PIGG: variants seen among roughly 807,000 people sequenced by gnomAD.
PIGG encodes the protein GPI ethanolamine phosphate transferase 2, catalytic subunit.
In PIGG, 70 loss-of-function variants were observed where a neutral mutation model predicts 83.2. The ratio of observed to expected loss-of-function variants is 0.84; its 90% confidence interval spans 0.69 to 1.03. The LOEUF (loss-of-function observed/expected upper bound fraction) is 1.03, where lower values mean the gene tolerates loss of function less well. Among genes scored for constraint, PIGG ranks in the 50% least tolerant of loss-of-function variants. The probability of loss-of-function intolerance (pLI) is 0.00; values close to 1 mark genes in which losing one functional copy is unlikely to be tolerated. For missense variants in PIGG, 1,257 were observed against 1,233.6 expected, an observed-to-expected ratio of 1.02 and a Z score of -0.28; for synonymous variants, 532 against 519.5, an observed-to-expected ratio of 1.02 and a Z score of -0.33.
At chr4:517,819 C>T (rs1724444653) in intron 6 of PIGG, among the ~76,000 whole-genome samples, 3 of 152,076 alleles carry the variant, frequency 2.0e-5, no homozygotes, top group Non-Finnish European at 4.4e-5. Context: ...CGTTTGTCTC[C>T]CTGGGATGTC....
chr4:500,670 G>T, intron 2 of PIGG, 69 bp downstream of exon 2: 1 of 998,936 alleles, frequency 1.0e-6, no homozygotes. Context: ...GGTCTCTGTA[G>T]TCTTTCGCTT....
In PIGG at chr4:516,027, C is replaced by T. The variant is rs779032464; in HGVS notation, c.956C>T (p.Ala319Val). 46 of 1,614,086 alleles carry T rather than the reference C, an allele frequency of 2.8e-5. No homozygotes were observed. The highest frequency in any genetic ancestry group is 5.5e-5 in the South Asian group (5 of 91,090). ...VQQTDVAATL[A>V]IALGLPIPKD... ...CAGACGGATGTGGCTGCGACACTGG[C>T]GATAGCACTTGGCTTACCGATTCCA... Residue 319 changes from alanine to valine, a missense_variant, in exon 6 of 13, where the codon GCG becomes GTG. By Grantham distance (64) the Ala-to-Val change is moderately conservative. Transcript: ENST00000453061.
chr4:508,142 G>A (rs1720501655), intron 4 of PIGG, among the ~76,000 whole-genome samples: 1 of 152,246 alleles, frequency 6.6e-6, no homozygotes, highest in Non-Finnish European at 1.5e-5. Context: ...AGATGAGAAA[G>A]ATGAGTAAAT....
chr4:531,444 G>C (rs1729043818), intron 11 of PIGG: 1 of 153,344 alleles, frequency 6.5e-6, no homozygotes, highest in Non-Finnish European at 1.5e-5. Flanking sequence ...GTTGCATTTT[G>C]GTCTCTACCG....
chr4:528,869 T>TC lies in PIGG; in HGVS notation c.2262-1565dup, dbSNP rs1038808741. The TC allele has an allele frequency of 1.3e-5, 4 of 299,196 alleles. No homozygotes were observed. Among genetic ancestry groups the TC allele is most frequent in the African/African-American group, 9.1e-5 (4 of 44,172 alleles). The allele number at this position is 299,196 out of a possible 1,614,324, so 18.5% of individuals were successfully genotyped here. A position where few individuals can be genotyped will look rare whatever the true frequency, so the allele number is the denominator to read the frequency against. ...ACACGCACTGCCTGGTTCACCTTCT[T>TC]CCTGTAAAGTGCCTCCGTCCTTTGT... On this transcript the variant is annotated intron_variant, in intron 10 of 12. Transcript: ENST00000453061. This position sits in a 1 kb window ranked among gnomAD's most constrained non-coding sequence, Gnocchi z 4.8.
intron 9 of PIGG, 43 bp from the exon 10 acceptor site, chr4:526,996 G>A (rs371244637): frequency 2.7e-5 from 43 of 1,611,670 alleles, no homozygotes; most frequent in African/African-American, 5.3e-5. Context: ...TGATCTTGTC[G>A]CTGTTTGTTT....
At position 538,167 on chromosome 4, in the gene PIGG, G is replaced by C. The variant is rs183341832; in HGVS notation, c.2736-986G>C. 7.1e-4 allele frequency among the ~76,000 whole-genome samples: 108 copies of C among 151,676 alleles called. 1 individual carries two copies. The Middle Eastern group carries it at 0.017, about 24-fold the overall frequency. ...CGACAGGACTGAGGATCTGGGGGCT[G>C]CCTCCGGGCCCTTTCTAACAGAACT... is the stretch of plus-strand genomic sequence containing the variant. On this transcript the variant is annotated intron_variant, in intron 12 of 12. Transcript: ENST00000453061.
intron 5 of PIGG, among the ~76,000 whole-genome samples, chr4:512,601 G>A (rs1722451886): frequency 6.6e-6 from 1 of 151,946 alleles, no homozygotes; most frequent in African/African-American, 2.4e-5. Context: ...TGGATCACAA[G>A]GGCAGAAGTT....
At chr4:532,583 C>T (rs1729327505) in intron 11 of PIGG, 1 of 152,356 alleles carries the variant, frequency 6.6e-6, no homozygotes, top group African/African-American at 2.4e-5. Flanking sequence ...GGGCCTAAGA[C>T]AACAGGGATA....
chr4:507,569 G>C lies in PIGG; in HGVS notation c.735G>C (p.Lys245Asn), dbSNP rs1720175322. ...GCGAGATGGACAGCGTGCTGATGAA[G>C]ATCCACACCTCACTGCAGTCGAAGG... ...KLSEMDSVLMKIHTSLQSKER... is the reference protein window; with the variant it reads ...KLSEMDSVLMNIHTSLQSKER... Residue 245 changes from lysine (K) to asparagine (N), a missense_variant, in exon 4 of 13, where the codon AAG (lysine) becomes AAC (asparagine). Coordinates refer to ENST00000453061, the MANE Select transcript of PIGG (RefSeq NM_001127178.3). 1 of 1,613,678 alleles carries C rather than the reference G, an allele frequency of 6.2e-7. No individual in the cohort carries two copies. The highest frequency in any genetic ancestry group is 1.7e-4 in the Middle Eastern group (1 of 5,874).
At chr4:519,110 C>T (rs576687188) in intron 6 of PIGG, among the ~76,000 whole-genome samples, 1 of 152,332 alleles carries the variant, frequency 6.6e-6, no homozygotes, top group East Asian at 1.9e-4. Context: ...AAATCAGTTC[C>T]TCCCCATTAC....
chr4:518,796 A>G (rs1724801814), intron 6 of PIGG, among the ~76,000 whole-genome samples: 1 of 151,870 alleles, frequency 6.6e-6, no homozygotes, highest in Admixed American at 6.6e-5. Flanking sequence ...CATTGTCTAC[A>G]CCGTCGGGGA....
intron 6 of PIGG, among the ~76,000 whole-genome samples, chr4:520,554 A>T (rs902760550): frequency 6.6e-6 from 1 of 152,242 alleles, no homozygotes; most frequent in Non-Finnish European, 1.5e-5. Flanking sequence ...GGGAAGGGCC[A>T]GTCTGCACTG....
intron 9 of PIGG, among the ~76,000 whole-genome samples, chr4:526,064 C>T (rs1727512181): frequency 2.6e-5 from 4 of 152,310 alleles, no homozygotes; most frequent in South Asian, 2.1e-4. Flanking sequence ...GCATTATCCG[C>T]GGTTTTCCTT....
chr4:507,599 G>T lies in PIGG; in HGVS notation c.759+6G>T. 1 of 1,603,766 alleles carries T rather than the reference G, an allele frequency of 6.2e-7. No individual in the cohort carries two copies. The highest frequency in any genetic ancestry group is 8.5e-7 in the Non-Finnish European group (1 of 1,173,848). On this transcript the variant is annotated splice_donor_region_variant and intron_variant, in intron 4 of 12. Transcript: ENST00000453061. The stretch of plus-strand genomic sequence containing the variant: ...ACACCTCACTGCAGTCGAAGGTGAG[G>T]CTCGCCGTCGCTCACTGTCTGCTGA...
chr4:533,536 C>T (rs1308238196), intron 11 of PIGG: 2 of 461,732 alleles, frequency 4.3e-6, no homozygotes, highest in African/African-American at 2.0e-5. Flanking sequence ...TCTGTGTGTG[C>T]GTCCCTCTTC....
rs1250239197 is a variant in PIGG, at chr4:539,381, C to G, written c.*12C>G. ...TCACACAGTCTTAGACTAAGCTGAA[C>G]ACTGGAAAAATAATACATGCTTAAA... On this transcript the variant is annotated 3_prime_UTR_variant, in exon 13 of 13. Coordinates refer to ENST00000453061, the MANE Select transcript of PIGG (RefSeq NM_001127178.3). 6.7e-7 allele frequency: 1 copy of G among 1,495,280 alleles called. No individual in the cohort carries two copies. Among genetic ancestry groups the G allele is most frequent in the South Asian group, 1.2e-5 (1 of 86,870 alleles). 92.6% of individuals were successfully genotyped at this position (1,495,280 alleles called of 1,614,324 possible).
At chr4:538,026 A>ACCGAGGG (rs1731104833) in intron 12 of PIGG, among the ~76,000 whole-genome samples, 4 of 139,012 alleles carry the variant, frequency 2.9e-5, no homozygotes, top group African/African-American at 1.2e-4. Context: ...AGGACTGAGG[A>ACCGAGGG]GCCCTTTACA....
intron 10 of PIGG, 26 bp from the exon 11 acceptor site, chr4:530,410 A>C: frequency 6.5e-7 from 1 of 1,534,076 alleles, no homozygotes; most frequent in South Asian, 1.1e-5. Flanking sequence ...GTGCTAATGA[A>C]TCTAACTTGT....
Sources: gnomAD v4.1 joint callset for allele counts (sites outside exome capture counted in the v4.1 genomes callset) on GRCh38, gnomAD v4.1.1 for gene constraint, Gnocchi (gnomAD v3.1) non-coding constraint, MANE v1.5 for transcripts, NCBI Gene and HGNC (gene_info 2026-07-23, HGNC 2026-07-21) for gene names.